The following SORCS3 variants were observed in gnomAD, a reference collection of about 807,000 sequenced individuals.
SORCS3 encodes sortilin related VPS10 domain containing receptor 3, also known as VPS10 domain-containing receptor SorCS3.
SORCS3 carries 57 observed loss-of-function variants against 146.3 expected under a neutral mutation model. The ratio of observed to expected loss-of-function variants is 0.39; its 90% CI spans 0.31 to 0.49. The LOEUF (loss-of-function observed/expected upper bound fraction) is 0.49. SORCS3 is among the 20% of genes least tolerant of loss of function. The probability of loss-of-function intolerance (pLI) is 0.92; values close to 1 mark genes in which losing one functional copy is unlikely to be tolerated. For synonymous variants in SORCS3, 653 were observed against 618.5 expected (o/e 1.06, Z -0.83); for missense variants, 1,341 against 1,575.5 (o/e 0.85, Z 2.52).
At chr10:105,173,426 CTTCT>C (rs1477752090) in intron 13 of SORCS3, among the ~76,000 whole-genome samples, 7 of 152,156 alleles carry the variant, frequency 4.6e-5, no homozygotes, top group Non-Finnish European at 1.0e-4. Flanking sequence ...TTTTCCATGA[CTTCT>C]TTCTTTTGCT....
chr10:105,041,235 A>G (rs1177765623), intron 4 of SORCS3, among the ~76,000 whole-genome samples: 2 of 149,030 alleles, frequency 1.3e-5, no homozygotes, highest in Non-Finnish European at 3.0e-5. Context: ...TTTCTTGCAA[A>G]CAGGATCATA....
chr10:105,192,126 A>G (rs1221747949), intron 14 of SORCS3, among the ~76,000 whole-genome samples: 1 of 152,194 alleles, frequency 6.6e-6, no homozygotes, highest in Non-Finnish European at 1.5e-5. Flanking sequence ...CTTTGAAAAG[A>G]AAAAGGAAGA....
chr10:105,117,275 G>A (rs2055900330), intron 7 of SORCS3, among the ~76,000 whole-genome samples: 1 of 152,178 alleles, frequency 6.6e-6, no homozygotes, highest in Non-Finnish European at 1.5e-5. Flanking sequence ...AAACAAAAAC[G>A]ATAAACTACA....
At chr10:104,940,925 G>A (rs2133618421) in intron 3 of SORCS3, among the ~76,000 whole-genome samples, 1 of 152,232 alleles carries the variant, frequency 6.6e-6, no homozygotes, top group South Asian at 2.1e-4. Flanking sequence ...AGCCCTCATT[G>A]CCCAGTCAGT....
chr10:104,798,650 AT>A (rs1257493377), intron 1 of SORCS3, among the ~76,000 whole-genome samples: 1 of 152,212 alleles, frequency 6.6e-6, no homozygotes, highest in African/African-American at 2.4e-5. Context: ...CACTCACCAT[AT>A]AATCTAGTGC....
chr10:104,767,845 A>T, intron 1 of SORCS3, among the ~76,000 whole-genome samples: 1 of 110,382 alleles, frequency 9.1e-6, no homozygotes, highest in African/African-American at 3.7e-5. Flanking sequence ...CCTTCCTCCT[A>T]CTCTTGGTTT....
rs1048862042 is a variant in SORCS3, at chr10:104,878,171, G to C, written c.695+35312G>C. On this transcript the variant is annotated intron_variant, in intron 2 of 26. Coordinates refer to ENST00000369701, the MANE Select transcript of SORCS3 (RefSeq NM_014978.3). ...TTATTCAATCACTTGGCCAATATCT[G>C]TTGAACCCATACTTCATTCCAGAGC... Among the ~76,000 whole-genome samples the C allele has an allele frequency of 3.9e-5, 6 of 151,988 alleles. No individual in the cohort carries two copies. The East Asian group carries it at 9.7e-4, about 24-fold the overall frequency.
chr10:105,242,267 T>G (rs1282768982), intron 20 of SORCS3, among the ~76,000 whole-genome samples: 1 of 140,602 alleles, frequency 7.1e-6, no homozygotes, highest in Non-Finnish European at 1.5e-5. Context: ...TATATTTATA[T>G]ATATATTTAT....
chr10:104,721,288 G>T (rs1387646584), intron 1 of SORCS3, among the ~76,000 whole-genome samples: 1 of 152,128 alleles, frequency 6.6e-6, no homozygotes, highest in African/African-American at 2.4e-5. Flanking sequence ...GATAGTTGTA[G>T]ATATGCAGCA....
intron 1 of SORCS3, among the ~76,000 whole-genome samples, chr10:104,782,150 GGCA>G (rs1488602449): frequency 2.6e-4 from 39 of 152,316 alleles, no homozygotes; most frequent in African/African-American, 8.7e-4. Flanking sequence ...CCGGTTCTAA[GGCA>G]GCATTATTAT....
chr10:104,995,894 G>T (rs2055024089), intron 4 of SORCS3, among the ~76,000 whole-genome samples: 1 of 152,092 alleles, frequency 6.6e-6, no homozygotes, highest in South Asian at 2.1e-4. Flanking sequence ...TAAGTTTTAT[G>T]TTTAGGCCAA....
intron 1 of SORCS3, among the ~76,000 whole-genome samples, chr10:104,842,169 A>C (rs1396385300): frequency 6.6e-6 from 1 of 152,234 alleles, no homozygotes; most frequent in Non-Finnish European, 1.5e-5. Context: ...GAAAGTGGTC[A>C]TGGAGTCCAG....
chr10:105,090,878 T>C (rs1410945693), intron 6 of SORCS3, among the ~76,000 whole-genome samples: 2 of 152,210 alleles, frequency 1.3e-5, no homozygotes, highest in Non-Finnish European at 2.9e-5. Flanking sequence ...GTTGGCATTG[T>C]GGTATCGTTC....
At chr10:105,181,216 CT>C (rs1429520953) in intron 14 of SORCS3, among the ~76,000 whole-genome samples, 3 of 152,090 alleles carry the variant, frequency 2.0e-5, no homozygotes, top group Non-Finnish European at 4.4e-5. Flanking sequence ...AAAATCTTAC[CT>C]TTGTTGTGAT....
chr10:105,060,784 A>G (rs2055480512), intron 5 of SORCS3, among the ~76,000 whole-genome samples: 1 of 152,090 alleles, frequency 6.6e-6, no homozygotes, highest in South Asian at 2.1e-4. Flanking sequence ...TTAAAAATAT[A>G]AAATTAGCTG....
chr10:105,103,077 T>C (rs2055797239), intron 6 of SORCS3, among the ~76,000 whole-genome samples: 1 of 152,018 alleles, frequency 6.6e-6, no homozygotes, highest in Non-Finnish European at 1.5e-5. Flanking sequence ...AATAAGGAAA[T>C]TTAACATTTA....
chr10:105,261,918 C>T (rs765332228), intron 25 of SORCS3, among the ~76,000 whole-genome samples: 1 of 152,082 alleles, frequency 6.6e-6, no homozygotes, highest in Non-Finnish European at 1.5e-5. Flanking sequence ...TTTAAAAAAG[C>T]CAATGTGGAT....
At chr10:105,160,761 C>T (rs2056255291) in intron 11 of SORCS3, among the ~76,000 whole-genome samples, 1 of 152,206 alleles carries the variant, frequency 6.6e-6, no homozygotes, top group Non-Finnish European at 1.5e-5. Context: ...ATAATGTGCT[C>T]ATCTCCTTCA....
rs149011139 is a variant in SORCS3, at chr10:105,201,248, C to T, written c.2256C>T (p.Phe752=). 2.7e-5 allele frequency: 44 copies of T among 1,605,916 alleles called. No individual in the cohort carries two copies. The highest frequency in any genetic ancestry group is 1.7e-4 in the Middle Eastern group (1 of 6,050). The stretch of plus-strand genomic sequence containing the variant: ...CCTGTGTCTGTGCCAATTGGGACTT[C>T]GAGTGGTGAGTTGTTTGGCATTTCA... ...SEPCVCANWD[F]ECDYGYERHG... is the part of the protein sequence containing the mutation. Residue 752 remains phenylalanine, a synonymous_variant, in exon 16 of 27, where the codon TTC becomes TTT. Coordinates refer to ENST00000369701, the MANE Select transcript of SORCS3 (RefSeq NM_014978.3).
Sources: gnomAD v4.1 joint callset for allele counts (sites outside exome capture counted in the v4.1 genomes callset) on GRCh38, gnomAD v4.1.1 for gene constraint, MANE v1.5 for transcripts, NCBI Gene and HGNC (gene_info 2026-07-23, HGNC 2026-07-21) for gene names.